Variants in IL1RAPL1 observed in about 807,000 individuals in gnomAD.
IL1RAPL1 encodes the protein interleukin-1 receptor accessory protein-like 1.
In IL1RAPL1, 3 loss-of-function variants were observed where a neutral mutation model predicts 48.4. The ratio of observed to expected loss-of-function variants is 0.06; its 90% CI spans 0.03 to 0.16. The LOEUF is 0.16. Among genes scored for constraint, IL1RAPL1 ranks in the 10% least tolerant of loss-of-function variants. IL1RAPL1 has a pLI of 1.00. For missense variants in IL1RAPL1, 349 were observed against 530.6 expected (o/e 0.66, Z 3.36); for synonymous variants, 185 against 187.7 (o/e 0.99, Z 0.12).
intron 6 of IL1RAPL1, among the ~76,000 whole-genome samples, chrX:29,884,822 CTT>C (rs1298930859): frequency 9.0e-6 from 1 of 111,452 alleles, no homozygotes; most frequent in Non-Finnish European, 1.9e-5. Context: ...TAATCCTTGA[CTT>C]TTTATTCTCT....
intron 6 of IL1RAPL1, among the ~76,000 whole-genome samples, chrX:29,758,767 T>G (rs1490223893): frequency 9.0e-6 from 1 of 110,605 alleles, no homozygotes; most frequent in African/African-American, 3.3e-5. Context: ...TATTGGCCAT[T>G]ATTCCTAATG....
At chrX:28,652,070 A>C (rs1934689550) in intron 1 of IL1RAPL1, among the ~76,000 whole-genome samples, 1 of 111,630 alleles carries the variant, frequency 9.0e-6, no homozygotes, top group Non-Finnish European at 1.9e-5. Flanking sequence ...TTCCATTTTA[A>C]GGCTTTAAAA....
Position 28,780,614 on chromosome X carries a change from T to C in IL1RAPL1, c.-24-8706T>C, listed in dbSNP as rs565148267. On this transcript the variant is annotated intron_variant, in intron 1 of 10. Coordinates refer to ENST00000378993, the MANE Select transcript of IL1RAPL1 (RefSeq NM_014271.4). ...AAAAAAGTAATATAATTTGATCCTT[T>C]AAAACCTTTTCTAATGAAATTTTAA... Among the ~76,000 whole-genome samples the C allele has an allele frequency of 5.4e-5, 6 of 110,682 alleles. No homozygotes were observed. The South Asian group carries it at 1.9e-3, about 35-fold the overall frequency.
chrX:28,978,022 G>C (rs1925247051), intron 2 of IL1RAPL1, among the ~76,000 whole-genome samples: 1 of 112,436 alleles, frequency 8.9e-6, no homozygotes, highest in South Asian at 3.7e-4. Context: ...TCACATTTGA[G>C]GGGAACAAAG....
chrX:29,637,111 T>A (rs1018798957), intron 5 of IL1RAPL1, among the ~76,000 whole-genome samples: 7 of 106,746 alleles, frequency 6.6e-5, no homozygotes, highest in Non-Finnish European at 1.9e-5. Context: ...ATAGATAAAA[T>A]AGATAACACA....
chrX:29,661,426 T>A (rs1925844966), intron 5 of IL1RAPL1, among the ~76,000 whole-genome samples: 1 of 112,222 alleles, frequency 8.9e-6, no homozygotes, highest in African/African-American at 3.2e-5. Flanking sequence ...TTTCAGTGTT[T>A]CCCTATTCAG....
chrX:29,658,490 C>T (rs1925750950), intron 5 of IL1RAPL1, among the ~76,000 whole-genome samples: 1 of 112,001 alleles, frequency 8.9e-6, no homozygotes, highest in South Asian at 3.7e-4. Flanking sequence ...AATTCCGTAA[C>T]TCATGTGTTA....
At chrX:29,699,828 A>G (rs1171953782) in intron 6 of IL1RAPL1, among the ~76,000 whole-genome samples, 1 of 112,430 alleles carries the variant, frequency 8.9e-6, no homozygotes, top group Non-Finnish European at 1.9e-5. Context: ...GGATGACTTC[A>G]CTCAAAAGTT....
At chrX:29,640,436 C>A (rs1231130915) in intron 5 of IL1RAPL1, among the ~76,000 whole-genome samples, 1 of 112,080 alleles carries the variant, frequency 8.9e-6, no homozygotes, top group Non-Finnish European at 1.9e-5. Context: ...TCCCTGCATC[C>A]CAGACTCATA....
chrX:29,077,764 G>A (rs1160588566), intron 2 of IL1RAPL1, among the ~76,000 whole-genome samples: 2 of 111,182 alleles, frequency 1.8e-5, no homozygotes, highest in East Asian at 5.7e-4. Context: ...CACAAGACAC[G>A]GCAAATCTAG....
chrX:29,342,334 A>G (rs1040940651), intron 3 of IL1RAPL1, among the ~76,000 whole-genome samples: 2 of 111,890 alleles, frequency 1.8e-5, no homozygotes, highest in Non-Finnish European at 1.9e-5. Flanking sequence ...ATTGTGAATT[A>G]AAAAATAAGG....
chrX:29,644,402 T>C (rs1026106348), intron 5 of IL1RAPL1, among the ~76,000 whole-genome samples: 2 of 112,065 alleles, frequency 1.8e-5, no homozygotes, highest in Non-Finnish European at 3.8e-5. Flanking sequence ...ATACATTGTC[T>C]TCTGCACCTA....
chrX:28,836,336 T>TTATATATATATATATATATATATATA (rs34343530), intron 2 of IL1RAPL1, among the ~76,000 whole-genome samples: 32 of 85,279 alleles, frequency 3.8e-4, no homozygotes, highest in African/African-American at 1.5e-3. Flanking sequence ...CTTCCCAATT[T>TTATATATATATATATATATATATATA]TATATATATA....
At chrX:28,952,173 T>C (rs1159531938) in intron 2 of IL1RAPL1, among the ~76,000 whole-genome samples, 1 of 111,284 alleles carries the variant, frequency 9.0e-6, no homozygotes, top group Admixed American at 9.6e-5. Context: ...TAAATATTAA[T>C]ATATTTAAGG....
intron 3 of IL1RAPL1, among the ~76,000 whole-genome samples, chrX:29,333,444 C>T (rs1340472843): frequency 5.0e-4 from 43 of 86,137 alleles, no homozygotes; most frequent in East Asian, 7.4e-4. Flanking sequence ...GGCGGCTGGC[C>T]GGGCAGAGGG....
At chrX:29,227,442 T>C (rs1282371104) in intron 2 of IL1RAPL1, among the ~76,000 whole-genome samples, 2 of 111,694 alleles carry the variant, frequency 1.8e-5, no homozygotes, top group Non-Finnish European at 3.8e-5. Flanking sequence ...CCCTAATATT[T>C]TAATTTGCAA....
intron 6 of IL1RAPL1, among the ~76,000 whole-genome samples, chrX:29,766,342 A>AAATAT (rs1200679211): frequency 7.2e-4 from 34 of 47,505 alleles, no homozygotes; most frequent in African/African-American, 3.1e-3. Flanking sequence ...AAAAAAAAAA[A>AAATAT]ATATATATAT....
chrX:29,543,882 A>G (rs964831228), intron 5 of IL1RAPL1, among the ~76,000 whole-genome samples: 1 of 111,218 alleles, frequency 9.0e-6, no homozygotes, highest in Non-Finnish European at 1.9e-5. Context: ...GTGGGAATCT[A>G]TAGAACTTAA....
At chrX:29,149,027 G>A (rs7879935) in intron 2 of IL1RAPL1, among the ~76,000 whole-genome samples, 5,975 of 109,911 alleles carry the variant, frequency 0.054, 174 homozygotes, top group African/African-American at 0.11. Flanking sequence ...TTTACTTAGG[G>A]ACAACACAAA....
Sources: gnomAD v4.1 joint callset for allele counts (sites outside exome capture counted in the v4.1 genomes callset) on GRCh38, gnomAD v4.1.1 for gene constraint, MANE v1.5 for transcripts, NCBI Gene and HGNC (gene_info 2026-07-23, HGNC 2026-07-21) for gene names.